Variants in ENPP2 observed in about 807,000 individuals in gnomAD.
ENPP2 encodes the protein autotaxin.
A neutral mutation model predicts 120.2 loss-of-function variants in ENPP2; 51 were observed. The ratio of observed to expected loss-of-function variants is 0.42; its 90% CI spans 0.34 to 0.54. The LOEUF is 0.54. ENPP2 is among the 20% of genes least tolerant of loss of function. The pLI, the probability that ENPP2 is intolerant of heterozygous loss-of-function variation, is 0.04. For missense variants in ENPP2, 920 were observed against 1,066.5 expected (o/e 0.86, Z 1.91); for synonymous variants, 365 against 366.4 (o/e 1.00, Z 0.04).
chr8:119,563,318 G>C (rs1814125471), intron 23 of ENPP2, among the ~76,000 whole-genome samples: 2 of 152,150 alleles, frequency 1.3e-5, no homozygotes, highest in Admixed American at 6.6e-5. Flanking sequence ...TGAAAGGCTG[G>C]AAGCGTCAAT....
In ENPP2 at chr8:119,638,822, G is replaced by T. The variant is rs373756581; in HGVS notation, c.-42C>A. The T allele has an allele frequency of 1.2e-6, 2 of 1,613,418 alleles. No homozygotes were observed. The highest frequency in any genetic ancestry group is 2.7e-5 in the African/African-American group (2 of 74,908). On this transcript the variant is annotated 5_prime_UTR_variant, in exon 1 of 25. Coordinates refer to ENST00000075322, the MANE Select transcript of ENPP2 (RefSeq NM_001040092.3). ...AAGCCTTTTGCAGCGTGTTCTCTTTGCCTTCACGGAGTGCACTGCTTTGAG... is the reference window on the plus strand; with the variant it reads ...AAGCCTTTTGCAGCGTGTTCTCTTTTCCTTCACGGAGTGCACTGCTTTGAG...
intron 19 of ENPP2, chr8:119,573,035 A>C (rs2130141780): frequency 6.6e-6 from 1 of 152,336 alleles, no homozygotes; most frequent in Admixed American, 6.5e-5. Flanking sequence ...TCAAAAGTGT[A>C]TGACAAATAT....
At chr8:119,640,818 G>C (rs377629521), upstream of ENPP2, among the ~76,000 whole-genome samples, 344 of 152,078 alleles carry the variant, frequency 2.3e-3, 3 homozygotes, top group Middle Eastern at 0.024. Context: ...GCTCGATCTC[G>C]GCTCACTGCA....
At chr8:119,620,154 G>A (rs1356099189) in intron 4 of ENPP2, among the ~76,000 whole-genome samples, 2 of 152,152 alleles carry the variant, frequency 1.3e-5, no homozygotes, top group Admixed American at 1.3e-4. Flanking sequence ...GTAACCCAGA[G>A]CACACACGTG....
intron 13 of ENPP2, among the ~76,000 whole-genome samples, 197 bp downstream of exon 13, chr8:119,590,308 G>C (rs748388503): frequency 3.9e-5 from 6 of 152,152 alleles, no homozygotes; most frequent in Non-Finnish European, 8.8e-5. Flanking sequence ...TCTACAGGTA[G>C]CTGCTAGCAT....
intron 1 of ENPP2, among the ~76,000 whole-genome samples, chr8:119,654,809 G>A (rs980316471): frequency 6.6e-6 from 1 of 152,180 alleles, no homozygotes; most frequent in East Asian, 1.9e-4. Flanking sequence ...GAATTCAGAA[G>A]CACTTTGGCT....
chr8:119,568,287 T>A, intron 21 of ENPP2, 35 bp from the exon 22 acceptor site: 1 of 1,160,948 alleles, frequency 8.6e-7, no homozygotes, highest in Non-Finnish European at 1.3e-6. Context: ...ATACGTTGCT[T>A]ACCAAAATCT....
intron 5 of ENPP2, among the ~76,000 whole-genome samples, chr8:119,618,853 G>T (rs78166940): frequency 0.022 from 3,333 of 152,074 alleles, 215 homozygotes; most frequent in East Asian, 0.14. Context: ...GGATAACACA[G>T]TTTTAAAGGT....
chr8:119,664,787 A>G (rs1818023122), intron 1 of ENPP2, among the ~76,000 whole-genome samples: 1 of 152,156 alleles, frequency 6.6e-6, no homozygotes, highest in Non-Finnish European at 1.5e-5. Context: ...CTAAAAATAC[A>G]AAAAATAGCC....
chr8:119,620,985 T>C (rs1255424538), intron 4 of ENPP2, among the ~76,000 whole-genome samples: 6 of 152,190 alleles, frequency 3.9e-5, no homozygotes, highest in Admixed American at 3.9e-4. Context: ...ACTGAGAGCA[T>C]GTCCTCACTT....
intron 5 of ENPP2, chr8:119,618,282 G>T: frequency 2.0e-6 from 1 of 500,120 alleles, no homozygotes; most frequent in Non-Finnish European, 4.0e-6. Flanking sequence ...TACTCCATGA[G>T]TGTATCCTCT....
At chr8:119,611,278 C>T (rs1291220090) in intron 8 of ENPP2, among the ~76,000 whole-genome samples, 1 of 152,238 alleles carries the variant, frequency 6.6e-6, no homozygotes, top group Non-Finnish European at 1.5e-5. Flanking sequence ...TCTAGCAGTT[C>T]CTCGAAGGGA....
chr8:119,587,769 C>T (rs937789668), intron 13 of ENPP2, among the ~76,000 whole-genome samples: 3 of 152,098 alleles, frequency 2.0e-5, no homozygotes, highest in Admixed American at 6.6e-5. Flanking sequence ...CCCTTTTGGG[C>T]GGAATGTGGG....
chr8:119,570,983 G>T, intron 19 of ENPP2, 142 bp from the exon 20 acceptor site: 1 of 471,636 alleles, frequency 2.1e-6, no homozygotes, highest in Non-Finnish European at 3.6e-6. Flanking sequence ...ATTTAATCAA[G>T]CTAGTTTTCC....
intron 11 of ENPP2, among the ~76,000 whole-genome samples, chr8:119,599,427 TA>T (rs1814130275): frequency 6.6e-6 from 1 of 152,078 alleles, no homozygotes; most frequent in Admixed American, 6.5e-5. Flanking sequence ...CAAGTATGTT[TA>T]ACCAAGTATG....
Position 119,638,537 on chromosome 8 carries a change from TAA to T in ENPP2, c.34-12_34-11del, listed in dbSNP as rs1219074323. 8.0e-6 allele frequency: 12 copies of T among 1,492,974 alleles called. No homozygotes were observed. The highest frequency in any genetic ancestry group is 1.4e-5 in the African/African-American group (1 of 72,556). 92.5% of individuals were successfully genotyped at this position (1,492,974 alleles called of 1,614,324 possible). Reference sequence around the variant, plus strand: ...TGAACAGGGATATTATCTAAGAGAATAAAGAGACCAAGTTGTCAAATACAGCT... The same window carrying T: ...TGAACAGGGATATTATCTAAGAGAATAGAGACCAAGTTGTCAAATACAGCT... On this transcript the variant is annotated splice_polypyrimidine_tract_variant and intron_variant, in intron 1 of 24. Transcript: ENST00000075322.
At chr8:119,601,924 T>C (rs921917320) in intron 9 of ENPP2, among the ~76,000 whole-genome samples, 1 of 152,180 alleles carries the variant, frequency 6.6e-6, no homozygotes, top group Admixed American at 6.5e-5. Flanking sequence ...AAGAACACTG[T>C]ACAGCTTGGT....
At chr8:119,634,078 G>A (rs1816848313) in intron 2 of ENPP2, among the ~76,000 whole-genome samples, 2 of 152,114 alleles carry the variant, frequency 1.3e-5, no homozygotes, top group African/African-American at 4.8e-5. Context: ...AGCTACTCGG[G>A]AGGCTGAGGC....
intron 1 of ENPP2, among the ~76,000 whole-genome samples, chr8:119,647,138 C>T (rs1817495293): frequency 6.6e-6 from 1 of 151,852 alleles, no homozygotes; most frequent in African/African-American, 2.4e-5. Flanking sequence ...CTGGGATCAC[C>T]GGCACCCACC....
Sources: allele counts gnomAD v4.1 joint callset (sites outside exome capture counted in the v4.1 genomes callset), GRCh38; gene constraint gnomAD v4.1.1; transcripts MANE v1.5; gene names NCBI Gene and HGNC (gene_info 2026-07-23, HGNC 2026-07-21).